Variants in PPP3CB observed in about 807,000 individuals in gnomAD.
PPP3CB encodes serine/threonine-protein phosphatase 2B catalytic subunit beta isoform.
In PPP3CB, 8 loss-of-function variants were observed where a neutral mutation model predicts 66.4. The observed-to-expected ratio is 0.12, with a 90% CI of 0.07 to 0.22. The LOEUF is 0.22. PPP3CB is among the 10% of genes least tolerant of loss of function. The pLI, the probability that PPP3CB is intolerant of heterozygous loss-of-function variation, is 1.00. For missense variants in PPP3CB, 319 were observed against 642.5 expected (o/e 0.50, Z 5.44); for synonymous variants, 208 against 221.2 (o/e 0.94, Z 0.53).
chr10:73,465,563 A>AT (rs1564558606), intron 9 of PPP3CB, among the ~76,000 whole-genome samples: 4 of 152,232 alleles, frequency 2.6e-5, no homozygotes, highest in Admixed American at 2.0e-4. Context: ...CTCTGTCTCT[A>AT]TAAAAAAAAA....
chr10:73,448,577 T>C (rs2056296597), intron 10 of PPP3CB: 1 of 528,916 alleles, frequency 1.9e-6, no homozygotes, highest in African/African-American at 1.9e-5. Context: ...GCATAGACAT[T>C]ACTCAATGAA....
At chr10:73,485,704 T>A (rs1438829818) in intron 1 of PPP3CB, among the ~76,000 whole-genome samples, 1 of 152,164 alleles carries the variant, frequency 6.6e-6, no homozygotes, top group African/African-American at 2.4e-5. Flanking sequence ...ATTATAAGAT[T>A]TTGTTTTAAT....
intron 9 of PPP3CB, among the ~76,000 whole-genome samples, chr10:73,458,905 A>G (rs1482700464): frequency 1.3e-5 from 2 of 151,912 alleles, no homozygotes; most frequent in Non-Finnish European, 2.9e-5. Flanking sequence ...CCCCGTCACT[A>G]CTAAAAAATA....
At position 73,495,921 on chromosome 10, in the gene PPP3CB, CGGGCGGGGTTGG is replaced by C; in HGVS notation, c.-44_-33del. The C allele has an allele frequency of 1.3e-5, 2 of 159,364 alleles. No homozygotes were observed. The highest frequency in any genetic ancestry group is 2.0e-5 in the Non-Finnish European group (2 of 99,148). The allele number at this position is 159,364 out of a possible 1,614,324, so 9.9% of individuals were successfully genotyped here. A position where few individuals can be genotyped will look rare whatever the true frequency, so the allele number is the denominator to read the frequency against. The stretch of plus-strand genomic sequence containing the variant: ...CCCGGGGCTCGGCTAGGCTCTGGGC[CGGGCGGGGTTGG>C]GGGCGGGGGCGGCGGCTACCAGAGC... On this transcript the variant is annotated 5_prime_UTR_variant, in exon 1 of 14. Transcript: ENST00000360663.
intron 9 of PPP3CB, among the ~76,000 whole-genome samples, 171 bp from the exon 10 acceptor site, chr10:73,454,660 A>G (rs2056395618): frequency 6.6e-6 from 1 of 152,126 alleles, no homozygotes; most frequent in Admixed American, 6.5e-5. Flanking sequence ...AAATGAAAGA[A>G]ATTCAGTGGA....
At chr10:73,489,832 C>T (rs1402258425) in intron 1 of PPP3CB, among the ~76,000 whole-genome samples, 1 of 152,124 alleles carries the variant, frequency 6.6e-6, no homozygotes, top group African/African-American at 2.4e-5. Context: ...TTTCAAACTC[C>T]ATGCCTTTCT....
chr10:73,440,670 T>C (rs2056129327), intron 12 of PPP3CB, among the ~76,000 whole-genome samples: 1 of 152,224 alleles, frequency 6.6e-6, no homozygotes, highest in Admixed American at 6.5e-5. Context: ...GAGTTTATCA[T>C]GAACTCAAAT....
At chr10:73,491,392 T>C (rs930658584) in intron 1 of PPP3CB, among the ~76,000 whole-genome samples, 1 of 151,898 alleles carries the variant, frequency 6.6e-6, no homozygotes, top group Non-Finnish European at 1.5e-5. Context: ...CTCAAACTCC[T>C]GACCTCAAGT....
chr10:73,447,917 C>G (rs1256696988), intron 10 of PPP3CB, among the ~76,000 whole-genome samples: 1 of 150,914 alleles, frequency 6.6e-6, no homozygotes, highest in Non-Finnish European at 1.5e-5. Context: ...ACAAAAAAAC[C>G]CCCAAAAACT....
chr10:73,442,246 G>A (rs1564546496), intron 12 of PPP3CB, among the ~76,000 whole-genome samples: 1 of 152,130 alleles, frequency 6.6e-6, no homozygotes, highest in Non-Finnish European at 1.5e-5. Flanking sequence ...TGAGAATAGA[G>A]AGTCCCTCCA....
chr10:73,448,819 G>A, intron 10 of PPP3CB: 1 of 481,540 alleles, frequency 2.1e-6, no homozygotes, highest in Non-Finnish European at 4.2e-6. Context: ...AAAAATGAAG[G>A]CCCTCATATT....
chr10:73,468,465 T>C (rs987687002), intron 8 of PPP3CB, among the ~76,000 whole-genome samples: 1 of 152,206 alleles, frequency 6.6e-6, no homozygotes, highest in Non-Finnish European at 1.5e-5. Flanking sequence ...ATACTAGCTG[T>C]GCAATGCTTG....
At chr10:73,491,996 A>G (rs113853019) in intron 1 of PPP3CB, among the ~76,000 whole-genome samples, 7,061 of 152,122 alleles carry the variant, frequency 0.046, 504 homozygotes, top group African/African-American at 0.15. Flanking sequence ...AAATAAATAA[A>G]TAAACAAAAA....
intron 1 of PPP3CB, among the ~76,000 whole-genome samples, chr10:73,491,039 T>TG (rs2057067747): frequency 6.1e-5 from 8 of 131,760 alleles, no homozygotes. Context: ...TTTTTTTTTT[T>TG]TTTTTTTTTT....
At chr10:73,439,642 G>A (rs2056115231) in intron 13 of PPP3CB, among the ~76,000 whole-genome samples, 1 of 152,022 alleles carries the variant, frequency 6.6e-6, no homozygotes, top group African/African-American at 2.4e-5. Flanking sequence ...CTTTCTGATT[G>A]CATATTACAC....
At chr10:73,464,300 CTTA>C (rs940270853) in intron 9 of PPP3CB, among the ~76,000 whole-genome samples, 4 of 152,126 alleles carry the variant, frequency 2.6e-5, no homozygotes, top group African/African-American at 9.7e-5. Flanking sequence ...CATATTACAT[CTTA>C]TTATCATTAT....
At chr10:73,444,474 C>T in intron 12 of PPP3CB, 2 of 1,063,530 alleles carry the variant, frequency 1.9e-6, no homozygotes, top group South Asian at 1.6e-5. Flanking sequence ...GAGCTGCTCC[C>T]ATATCATTTC....
At chr10:73,448,387 G>T (rs2056292966) in intron 10 of PPP3CB, among the ~76,000 whole-genome samples, 1 of 151,730 alleles carries the variant, frequency 6.6e-6, no homozygotes, top group Non-Finnish European at 1.5e-5. Flanking sequence ...TAATCATGCA[G>T]GGAAAAGTAC....
chr10:73,448,708 A>C (rs2056299285), intron 10 of PPP3CB: 1 of 533,272 alleles, frequency 1.9e-6, no homozygotes, highest in Non-Finnish European at 3.8e-6. Context: ...TGGAGAGTCC[A>C]GAAAAAAGGA....
Sources: allele counts gnomAD v4.1 joint callset (sites outside exome capture counted in the v4.1 genomes callset), GRCh38; gene constraint gnomAD v4.1.1; transcripts MANE v1.5; gene names NCBI Gene and HGNC (gene_info 2026-07-23, HGNC 2026-07-21).